Variants in CARMIL1 observed in about 807,000 individuals in gnomAD.
CARMIL1 encodes the protein F-actin-uncapping protein LRRC16A.
Under a neutral mutation model 177.1 loss-of-function variants are expected in CARMIL1, and 90 were observed. That is an observed-to-expected ratio of 0.51 (90% CI 0.43 to 0.61). The LOEUF (loss-of-function observed/expected upper bound fraction) is 0.61, where lower values mean the gene tolerates loss of function less well. CARMIL1 is among the 20% of genes least tolerant of loss of function. The probability of loss-of-function intolerance (pLI) is 0.00; values close to 1 mark genes in which losing one functional copy is unlikely to be tolerated. For synonymous variants in CARMIL1, 577 were observed against 606.2 expected, an observed-to-expected ratio of 0.95 and a Z score of 0.71; for missense variants, 1,380 against 1,667.0, an observed-to-expected ratio of 0.83 and a Z score of 3.00.
At chr6:25,497,726 A>G (rs1470019348) in intron 16 of CARMIL1, among the ~76,000 whole-genome samples, 1 of 152,180 alleles carries the variant, frequency 6.6e-6, no homozygotes, top group African/African-American at 2.4e-5. Context: ...AAAGCAACAC[A>G]ATTTCTTTTG....
At chr6:25,523,098 C>G (rs1049450557) in intron 23 of CARMIL1, among the ~76,000 whole-genome samples, 1 of 152,082 alleles carries the variant, frequency 6.6e-6, no homozygotes, top group African/African-American at 2.4e-5. Context: ...CATGCCTGGT[C>G]GCTTGAATGC....
At chr6:25,604,310 C>T (rs1815725160) in intron 33 of CARMIL1, among the ~76,000 whole-genome samples, 1 of 152,068 alleles carries the variant, frequency 6.6e-6, no homozygotes, top group South Asian at 2.1e-4. Context: ...AAGCTCGTGA[C>T]CTCAAACAAT....
chr6:25,543,597 T>C (rs749150215), intron 26 of CARMIL1, among the ~76,000 whole-genome samples: 5 of 152,150 alleles, frequency 3.3e-5, no homozygotes, highest in Non-Finnish European at 7.4e-5. Flanking sequence ...GGTATTTGTG[T>C]TGGCCTAGGA....
At chr6:25,503,832 A>T (rs560119511) in intron 17 of CARMIL1, among the ~76,000 whole-genome samples, 2 of 152,096 alleles carry the variant, frequency 1.3e-5, no homozygotes, top group African/African-American at 4.8e-5. Flanking sequence ...CTTACTCAGG[A>T]TGAGGAGCTG....
chr6:25,364,780 G>A (rs1185223505), intron 2 of CARMIL1, among the ~76,000 whole-genome samples: 2 of 152,166 alleles, frequency 1.3e-5, no homozygotes, highest in African/African-American at 2.4e-5. Context: ...GGCCAGGCTT[G>A]TCTTGAACTC....
At chr6:25,465,698 G>A (rs1241131715) in intron 8 of CARMIL1, 175 bp from the exon 9 acceptor site, 2 of 569,288 alleles carry the variant, frequency 3.5e-6, no homozygotes, top group Admixed American at 6.7e-5. Context: ...TTCAACTTTT[G>A]GGAACTTTGA....
Position 25,450,705 on chromosome 6 carries a change from A to C in CARMIL1, c.608A>C (p.Asp203Ala). 1 of 1,600,674 alleles carries C rather than the reference A, an allele frequency of 6.2e-7. No homozygotes were observed. Among genetic ancestry groups the C allele is most frequent in the Non-Finnish European group, 8.5e-7 (1 of 1,172,280 alleles). ...AATTTACAAGATTTTAGTCATCTTGACCACAGGTAAGCTGCTTCCTTCCTT... is the reference window on the plus strand; with the variant it reads ...AATTTACAAGATTTTAGTCATCTTGCCCACAGGTAAGCTGCTTCCTTCCTT... ...ELNLQDFSHL[D>A]HRDLIPIIAA... Residue 203 changes from aspartate (D) to alanine (A), a missense_variant, in exon 8 of 37, where the codon GAC becomes GCC. Asp to Ala is a moderately radical substitution (Grantham distance 126). Coordinates refer to ENST00000329474, the MANE Select transcript of CARMIL1 (RefSeq NM_017640.6).
At chr6:25,452,002 C>CCCCCCCCCA in intron 8 of CARMIL1, 10 of 258,928 alleles carry the variant, frequency 3.9e-5, no homozygotes, top group East Asian at 1.0e-4. Context: ...CCCTCCCCCC[C>CCCCCCCCCA]CCAGAATACT....
chr6:25,600,725 G>A lies in CARMIL1; in HGVS notation c.3531G>A (p.Lys1177=), dbSNP rs987732512. ...CAGAGATGAAAGCCAAGCAAGAGAA[G>A]AGAGCTGCGTGTGCGCAGAAGGTAA... ...LLAEMKAKQE[K]RAACAQKKLG... is the part of the protein sequence containing the mutation. The change falls in exon 33 of 37, where the codon AAG becomes AAA. Residue 1177 remains lysine, a synonymous_variant. Coordinates refer to ENST00000329474, the MANE Select transcript of CARMIL1 (RefSeq NM_017640.6). 56 of 1,555,862 alleles carry A rather than the reference G, an allele frequency of 3.6e-5. No individual in the cohort carries two copies. Among genetic ancestry groups the A allele is most frequent in the Non-Finnish European group, 4.4e-5 (51 of 1,154,208 alleles).
At chr6:25,538,085 C>A in intron 25 of CARMIL1, 102 bp downstream of exon 25, 1 of 1,298,842 alleles carries the variant, frequency 7.7e-7, no homozygotes, top group South Asian at 1.5e-5. Context: ...TACCCAATTC[C>A]AAGTTTACTA....
At chr6:25,556,921 T>TTAA (rs1554223600) in intron 29 of CARMIL1, 71 bp downstream of exon 29, 58,329 of 1,344,262 alleles carry the variant, frequency 0.043, 123 homozygotes, top group East Asian at 0.05. Context: ...TTTTTTTTTT[T>TTAA]AAATCTCACC....
chr6:25,412,014 G>A (rs1204302680), intron 2 of CARMIL1, among the ~76,000 whole-genome samples: 1 of 152,018 alleles, frequency 6.6e-6, no homozygotes, highest in East Asian at 1.9e-4. Context: ...TTAAATTTGG[G>A]TAAAATAAGG....
chr6:25,437,744 A>G (rs1797356709), intron 5 of CARMIL1, among the ~76,000 whole-genome samples: 1 of 152,182 alleles, frequency 6.6e-6, no homozygotes. Flanking sequence ...TCACAAGTTA[A>G]AAGCTGAGCC....
chr6:25,538,901 A>G (rs1386373887), intron 25 of CARMIL1, among the ~76,000 whole-genome samples: 2 of 152,096 alleles, frequency 1.3e-5, no homozygotes, highest in Non-Finnish European at 2.9e-5. Context: ...TGATTTAATC[A>G]GTCGTGTCTA....
intron 8 of CARMIL1, among the ~76,000 whole-genome samples, chr6:25,464,086 T>C (rs1488821890): frequency 2.0e-5 from 3 of 152,134 alleles, no homozygotes. Flanking sequence ...CCTCCCAAAA[T>C]GCTGGGATTA....
rs549484054 is a variant in CARMIL1, at chr6:25,547,874, G to A, written c.2329-3036G>A. Among the ~76,000 whole-genome samples the A allele has an allele frequency of 1.2e-4, 19 of 152,224 alleles. No individual in the cohort carries two copies. The East Asian group carries it at 2.7e-3, about 22-fold the overall frequency. ...CGACTGTATGGCAGCAGGAAAGAGT[G>A]CATGTCATCAAATACAGCTTGGAGT... On this transcript the variant is annotated intron_variant, in intron 26 of 36. Transcript: ENST00000329474.
chr6:25,317,331 C>T (rs1408423641), intron 2 of CARMIL1, among the ~76,000 whole-genome samples: 1 of 151,962 alleles, frequency 6.6e-6, no homozygotes, highest in Non-Finnish European at 1.5e-5. Context: ...AAGATGAGGT[C>T]TCCCTATGTT....
chr6:25,536,282 A>G (rs946622457), intron 24 of CARMIL1, among the ~76,000 whole-genome samples: 6 of 152,158 alleles, frequency 3.9e-5, no homozygotes, highest in African/African-American at 1.4e-4. Flanking sequence ...ATCAATTAAG[A>G]TTTTAAAAAA....
At chr6:25,609,947 T>A in intron 35 of CARMIL1, 103 bp from the exon 36 acceptor site, 1 of 1,334,432 alleles carries the variant, frequency 7.5e-7, no homozygotes, top group Admixed American at 2.5e-5. Context: ...TATGATGCTT[T>A]ATTTTTTTAA....
Sources: allele counts gnomAD v4.1 joint callset (sites outside exome capture counted in the v4.1 genomes callset), GRCh38; gene constraint gnomAD v4.1.1; transcripts MANE v1.5; gene names NCBI Gene and HGNC (gene_info 2026-07-23, HGNC 2026-07-21).